NELL1: variants seen among roughly 807,000 people sequenced by gnomAD.
NELL1 encodes the protein neural EGFL like 1, also known as protein kinase C-binding protein NELL1.
In NELL1, 76 loss-of-function variants were observed where a neutral mutation model predicts 107.4. The ratio of observed to expected loss-of-function variants is 0.71; its 90% CI spans 0.59 to 0.86. NELL1 has a LOEUF of 0.86. NELL1 is among the 40% of genes least tolerant of loss of function. The probability of loss-of-function intolerance (pLI) is 0.00; values close to 1 mark genes in which losing one functional copy is unlikely to be tolerated. For missense variants in NELL1, 1,024 were observed against 1,005.5 expected (o/e 1.02, Z -0.25); for synonymous variants, 353 against 341.2 (o/e 1.03, Z -0.38).
At chr11:21,130,242 C>T (rs1293028204) in intron 13 of NELL1, among the ~76,000 whole-genome samples, 1 of 152,192 alleles carries the variant, frequency 6.6e-6, no homozygotes, top group African/African-American at 2.4e-5. Flanking sequence ...CTAGTACTGT[C>T]TTGTGGAATG....
At chr11:21,207,074 T>G (rs1857405403) in intron 13 of NELL1, among the ~76,000 whole-genome samples, 1 of 152,190 alleles carries the variant, frequency 6.6e-6, no homozygotes, top group African/African-American at 2.4e-5. Flanking sequence ...TTGGACTAGG[T>G]GACTTAAAAG....
intron 5 of NELL1, among the ~76,000 whole-genome samples, chr11:20,904,908 A>G (rs973798341): frequency 6.6e-6 from 1 of 151,738 alleles, no homozygotes; most frequent in Non-Finnish European, 1.5e-5. Flanking sequence ...GGCTCACTGC[A>G]GCCTTGACCT....
intron 15 of NELL1, among the ~76,000 whole-genome samples, chr11:21,481,693 G>A (rs1854497277): frequency 6.6e-6 from 1 of 152,180 alleles, no homozygotes; most frequent in South Asian, 2.1e-4. Context: ...GCTGTGCCTC[G>A]TGGACTTTAG....
chr11:21,234,968 G>A (rs942110952), intron 14 of NELL1, among the ~76,000 whole-genome samples: 3 of 152,174 alleles, frequency 2.0e-5, no homozygotes, highest in Non-Finnish European at 4.4e-5. Flanking sequence ...GTATCACCAA[G>A]GATAATAAAC....
chr11:21,128,074 C>T (rs747938918), intron 13 of NELL1, among the ~76,000 whole-genome samples: 6 of 152,180 alleles, frequency 3.9e-5, no homozygotes, highest in East Asian at 1.9e-4. Context: ...TGCATGCTTA[C>T]GGACTCCTGG....
chr11:21,269,350 C>CCTCT (rs67054627), intron 14 of NELL1, among the ~76,000 whole-genome samples: 190 of 147,644 alleles, frequency 1.3e-3, no homozygotes, highest in Middle Eastern at 7.1e-3. Flanking sequence ...TTGCCAAATC[C>CCTCT]CTCTCTCTCT....
chr11:20,718,474 T>TAA (rs372454923), intron 2 of NELL1, among the ~76,000 whole-genome samples: 3 of 151,484 alleles, frequency 2.0e-5, no homozygotes, highest in Non-Finnish European at 2.9e-5. Flanking sequence ...TTTTTTTTTT[T>TAA]TTTATTTAAT....
intron 3 of NELL1, among the ~76,000 whole-genome samples, chr11:20,822,206 C>G (rs1857771270): frequency 6.6e-6 from 1 of 152,170 alleles, no homozygotes; most frequent in South Asian, 2.1e-4. Context: ...GGCAGACAGA[C>G]TCCAGGAGAC....
intron 14 of NELL1, among the ~76,000 whole-genome samples, chr11:21,322,036 G>A (rs911081810): frequency 2.6e-5 from 4 of 152,196 alleles, no homozygotes; most frequent in African/African-American, 9.6e-5. Flanking sequence ...AAATAAATCA[G>A]ACTGTGCTTA....
At chr11:20,990,569 A>T (rs943456322) in intron 12 of NELL1, among the ~76,000 whole-genome samples, 7 of 152,154 alleles carry the variant, frequency 4.6e-5, no homozygotes, top group African/African-American at 1.4e-4. Context: ...TGGTAGTTTC[A>T]TTGCATAATA....
intron 15 of NELL1, among the ~76,000 whole-genome samples, chr11:21,484,334 T>C (rs1249007788): frequency 1.3e-5 from 2 of 151,878 alleles, no homozygotes; most frequent in African/African-American, 2.4e-5. Context: ...CGTTCTTATA[T>C]GCATCATCTT....
intron 13 of NELL1, among the ~76,000 whole-genome samples, chr11:21,156,036 A>G (rs10833469): frequency 0.33 from 49,793 of 151,914 alleles, 8,414 homozygotes; most frequent in Middle Eastern, 0.4. Context: ...GGGTATCCCA[A>G]TGAGATGGAA....
At chr11:20,758,537 G>A (rs1856348454) in intron 2 of NELL1, among the ~76,000 whole-genome samples, 1 of 152,166 alleles carries the variant, frequency 6.6e-6, no homozygotes, top group African/African-American at 2.4e-5. Context: ...CAGGGGTAGT[G>A]AGTGCCTGTC....
chr11:21,115,115 C>T (rs1006908586), intron 13 of NELL1, among the ~76,000 whole-genome samples: 1 of 151,920 alleles, frequency 6.6e-6, no homozygotes, highest in African/African-American at 2.4e-5. Flanking sequence ...TGGCACTTGT[C>T]GAATGCCTTA....
Position 20,677,972 on chromosome 11 carries a change from C to T in NELL1, c.96C>T (p.Ile32=), listed in dbSNP as rs146112225. ...TGGACCCTGACCTTCAGATGGATAT[C>T]GTCACCGAGCTTGACCTTGTGAACA... ...FGMDPDLQMD[I]VTELDLVNTT... is the part of the protein sequence containing the mutation. Residue 32 remains isoleucine, a synonymous_variant, in exon 2 of 20, where the codon ATC becomes ATT. Transcript: ENST00000357134. 5.9e-5 allele frequency: 95 copies of T among 1,614,102 alleles called. No homozygotes were observed. The highest frequency in any genetic ancestry group is 5.6e-4 in the South Asian group (51 of 91,060).
At chr11:21,361,258 AATTT>A (rs1851068429) in intron 14 of NELL1, among the ~76,000 whole-genome samples, 1 of 112,346 alleles carries the variant, frequency 8.9e-6, no homozygotes, top group Non-Finnish European at 1.8e-5. Context: ...CTTGTGTGAC[AATTT>A]TTTTTTTTTT....
At position 21,275,560 on chromosome 11, in the gene NELL1, A is replaced by T. The variant is rs181775890; in HGVS notation, c.1549+46106A>T. On this transcript the variant is annotated intron_variant, in intron 14 of 19. Transcript: ENST00000357134. ...CCCTAGCTCATTTTATGAGGCCAGCATCATCCTGATACCAAAGCCTGGCAG... is the reference window on the plus strand; with the variant it reads ...CCCTAGCTCATTTTATGAGGCCAGCTTCATCCTGATACCAAAGCCTGGCAG... Among the ~76,000 whole-genome samples, 376 of 152,362 alleles carry T rather than the reference A, an allele frequency of 2.5e-3. 3 individuals carry two copies. The highest frequency in any genetic ancestry group is 3.4e-3 in the Middle Eastern group (1 of 294).
chr11:21,038,981 T>C (rs953949250), intron 12 of NELL1, among the ~76,000 whole-genome samples: 1 of 152,144 alleles, frequency 6.6e-6, no homozygotes, highest in East Asian at 1.9e-4. Flanking sequence ...TCCTGTGGAC[T>C]GTAGGAAAAA....
chr11:21,029,921 T>G (rs1852911574), intron 12 of NELL1, among the ~76,000 whole-genome samples: 1 of 152,214 alleles, frequency 6.6e-6, no homozygotes, highest in Admixed American at 6.5e-5. Context: ...GCATTATACC[T>G]GAAAACAAGA....
Sources: allele counts gnomAD v4.1 joint callset (sites outside exome capture counted in the v4.1 genomes callset), GRCh38; gene constraint gnomAD v4.1.1; transcripts MANE v1.5; gene names NCBI Gene and HGNC (gene_info 2026-07-23, HGNC 2026-07-21).